Variants in GPM6B observed in about 807,000 individuals in gnomAD.
The protein encoded by GPM6B is glycoprotein M6B.
Under a neutral mutation model 27.2 loss-of-function variants are expected in GPM6B, and 4 were observed. The ratio of observed to expected loss-of-function variants is 0.15; its 90% CI spans 0.07 to 0.34. GPM6B has a LOEUF of 0.34. Ranked by LOEUF, GPM6B falls within the 10% of genes least tolerant of loss-of-function variation. GPM6B has a pLI of 1.00. For missense variants in GPM6B, 183 were observed against 261.9 expected (o/e 0.70, Z 2.08); for synonymous variants, 124 against 103.1 (o/e 1.20, Z -1.23).
intron 1 of GPM6B, among the ~76,000 whole-genome samples, chrX:13,916,189 C>T (rs1392198229): frequency 9.0e-6 from 1 of 111,387 alleles, no homozygotes; most frequent in East Asian, 2.8e-4. Flanking sequence ...AAAAAAGATG[C>T]CAACACAGAA....
chrX:13,841,920 C>A lies in GPM6B; in HGVS notation c.-197-56112G>T, dbSNP rs2049580743. Among the ~76,000 whole-genome samples the A allele has an allele frequency of 5.4e-5, 6 of 111,806 alleles. No individual in the cohort carries two copies. The South Asian group carries it at 2.3e-3, about 42-fold the overall frequency. On this transcript the variant is annotated intron_variant, in intron 1 of 6. Transcript: ENST00000398361. ...CCAGTTTCCTTCTCACTCTTCCTCC[C>A]TTTCGATTTGTTCTAATTCTATTCT...
intron 1 of GPM6B, among the ~76,000 whole-genome samples, chrX:13,843,546 T>C (rs942083869): frequency 3.6e-5 from 4 of 112,379 alleles, no homozygotes; most frequent in Non-Finnish European, 7.5e-5. Flanking sequence ...GCTGTACCAT[T>C]TTACGTTCCC....
At chrX:13,788,653 T>C (rs2147136657) in intron 2 of GPM6B, among the ~76,000 whole-genome samples, 1 of 110,347 alleles carries the variant, frequency 9.1e-6, no homozygotes, top group South Asian at 3.9e-4. Context: ...CCTTTAACGA[T>C]AGAACTCATC....
intron 1 of GPM6B, among the ~76,000 whole-genome samples, chrX:13,900,673 T>C (rs2050274538): frequency 8.9e-6 from 1 of 112,206 alleles, no homozygotes; most frequent in African/African-American, 3.2e-5. Flanking sequence ...AAAGCAAGCA[T>C]TACAGGAGAA....
chrX:13,929,999 A>C (rs1180008938), intron 1 of GPM6B, among the ~76,000 whole-genome samples: 1 of 112,420 alleles, frequency 8.9e-6, no homozygotes, highest in Non-Finnish European at 1.9e-5. Flanking sequence ...ACTCTAACTC[A>C]AGATTGTTTA....
intron 1 of GPM6B, among the ~76,000 whole-genome samples, chrX:13,867,427 G>A (rs1288944838): frequency 1.8e-5 from 2 of 112,164 alleles, no homozygotes; most frequent in Non-Finnish European, 3.8e-5. Context: ...CATTTGTAAG[G>A]GCTTTCCAGC....
intron 1 of GPM6B, among the ~76,000 whole-genome samples, chrX:13,841,204 C>T (rs1569251092): frequency 8.9e-6 from 1 of 111,867 alleles, no homozygotes; most frequent in Non-Finnish European, 1.9e-5. Flanking sequence ...TCACATCCTC[C>T]TAAACTCAGT....
At chrX:13,874,058 C>T (rs1025716898) in intron 1 of GPM6B, among the ~76,000 whole-genome samples, 2 of 111,262 alleles carry the variant, frequency 1.8e-5, no homozygotes, top group Non-Finnish European at 3.8e-5. Flanking sequence ...AATTGAGCTG[C>T]CAGCAATTTA....
At chrX:13,833,565 A>AAAAAAAAAAAAAAC (rs2049463627) in intron 1 of GPM6B, among the ~76,000 whole-genome samples, 1 of 106,784 alleles carries the variant, frequency 9.4e-6, no homozygotes, top group African/African-American at 3.4e-5. Flanking sequence ...AAAAAAAAAA[A>AAAAAAAAAAAAAAC]AAAACTAGAA....
At chrX:13,897,320 T>C (rs2050242541) in intron 1 of GPM6B, among the ~76,000 whole-genome samples, 1 of 112,325 alleles carries the variant, frequency 8.9e-6, no homozygotes, top group Admixed American at 9.5e-5. Context: ...AGACAGACTG[T>C]GGTTAAACTC....
At chrX:13,817,257 C>T, upstream of GPM6B, 1 of 818,228 alleles carries the variant, frequency 1.2e-6, no homozygotes, top group Non-Finnish European at 1.5e-6. Context: ...CTGCTCCCCA[C>T]CGGGCTCTTC....
At chrX:13,865,542 C>CAAAAAAAAAAAAAAAAAAAAAAAAAA (rs1171503867) in intron 1 of GPM6B, among the ~76,000 whole-genome samples, 3 of 14,626 alleles carry the variant, frequency 2.1e-4, no homozygotes, top group African/African-American at 3.4e-4. Context: ...TCCATCTCTT[C>CAAAAAAAAAAAAAAAAAAAAAAAAAA]AAAAAAAAAA....
At chrX:13,790,934 T>C (rs2048701442) in intron 2 of GPM6B, among the ~76,000 whole-genome samples, 1 of 111,888 alleles carries the variant, frequency 8.9e-6, no homozygotes, top group Non-Finnish European at 1.9e-5. Flanking sequence ...AGATCTGGGA[T>C]TCAGGCTGTC....
intron 1 of GPM6B, among the ~76,000 whole-genome samples, chrX:13,837,987 T>C (rs1213920185): frequency 9.0e-6 from 1 of 111,209 alleles, no homozygotes; most frequent in Non-Finnish European, 1.9e-5. Flanking sequence ...CTATGGAGCA[T>C]GACATCACCT....
intron 3 of GPM6B, among the ~76,000 whole-genome samples, chrX:13,785,380 T>G (rs1274288967): frequency 9.0e-6 from 1 of 111,326 alleles, no homozygotes; most frequent in Non-Finnish European, 1.9e-5. Context: ...CCTCCTGGGT[T>G]CAACTGGTTC....
intron 1 of GPM6B, among the ~76,000 whole-genome samples, chrX:13,923,805 T>C (rs1877089263): frequency 8.9e-6 from 1 of 112,584 alleles, no homozygotes; most frequent in Non-Finnish European, 1.9e-5. Flanking sequence ...TTGGTCTTTG[T>C]AATGGTGCAC....
At chrX:13,801,189 GT>G (rs1021673555) in intron 2 of GPM6B, among the ~76,000 whole-genome samples, 4 of 111,685 alleles carry the variant, frequency 3.6e-5, no homozygotes, top group African/African-American at 1.3e-4. Context: ...ACGGGACTTG[GT>G]TTATTATGGG....
intron 1 of GPM6B, among the ~76,000 whole-genome samples, chrX:13,930,474 C>T (rs375598500): frequency 3.6e-5 from 4 of 111,296 alleles, no homozygotes; most frequent in Non-Finnish European, 5.7e-5. Context: ...ATTAGCCAGG[C>T]GTGGTTGTGG....
At chrX:13,887,761 T>C (rs953000104) in intron 1 of GPM6B, among the ~76,000 whole-genome samples, 1 of 111,837 alleles carries the variant, frequency 8.9e-6, no homozygotes, top group African/African-American at 3.3e-5. Flanking sequence ...TAGAGTTTCA[T>C]AGTCTCTCAC....
Sources: gnomAD v4.1 joint callset for allele counts (sites outside exome capture counted in the v4.1 genomes callset) on GRCh38, gnomAD v4.1.1 for gene constraint, MANE v1.5 for transcripts, NCBI Gene and HGNC (gene_info 2026-07-23, HGNC 2026-07-21) for gene names.